LINGO2: variants seen among roughly 807,000 people sequenced by gnomAD.
The protein encoded by LINGO2 is leucine rich repeat and Ig domain containing 2.
In LINGO2, 14 loss-of-function variants were observed where a neutral mutation model predicts 30.6. That is an observed-to-expected ratio of 0.46 (90% CI 0.30 to 0.72). The LOEUF is 0.72. LINGO2 is among the 30% of genes least tolerant of loss of function. The probability of loss-of-function intolerance (pLI) is 0.07; values close to 1 mark genes in which losing one functional copy is unlikely to be tolerated. For synonymous variants in LINGO2, 317 were observed against 288.5 expected, an observed-to-expected ratio of 1.10 and a Z score of -1.00; for missense variants, 729 against 751.7, an observed-to-expected ratio of 0.97 and a Z score of 0.35.
the LINGO2 span, among the ~76,000 whole-genome samples, chr9:29,128,094 C>T: frequency 1.3e-5 from 2 of 152,100 alleles, no homozygotes; most frequent in Admixed American, 6.6e-5. Context: ...AAGTCAAGAT[C>T]TTCATCCAGG....
the LINGO2 span, among the ~76,000 whole-genome samples, chr9:29,171,945 C>A: frequency 7.3e-4 from 111 of 151,812 alleles, no homozygotes; most frequent in Non-Finnish European, 1.5e-3. Flanking sequence ...GTGTAATAAA[C>A]ATACAAAAGT....
the LINGO2 span, among the ~76,000 whole-genome samples, chr9:28,976,084 T>C: frequency 2.0e-5 from 3 of 152,166 alleles, no homozygotes; most frequent in East Asian, 5.8e-4. Flanking sequence ...ATTACCTACT[T>C]GTAGGCTGTG....
At chr9:29,098,302 A>G in the LINGO2 span, among the ~76,000 whole-genome samples, 44 of 152,188 alleles carry the variant, frequency 2.9e-4, no homozygotes, top group Admixed American at 1.4e-3. Flanking sequence ...AGCACTGCTT[A>G]CACTTTAATT....
At chr9:28,929,079 A>T in the LINGO2 span, among the ~76,000 whole-genome samples, 1 of 152,226 alleles carries the variant, frequency 6.6e-6, no homozygotes, top group African/African-American at 2.4e-5. Context: ...TAGCATACAA[A>T]GCAGGTGAAG....
chr9:28,342,378 C>T (rs559277396), intron 3 of LINGO2, among the ~76,000 whole-genome samples: 8 of 152,226 alleles, frequency 5.3e-5, no homozygotes, highest in East Asian at 3.9e-4. Flanking sequence ...CAAACTTTAT[C>T]GCTACGTGTC....
the LINGO2 span, among the ~76,000 whole-genome samples, chr9:29,057,224 T>C: frequency 6.6e-6 from 1 of 152,162 alleles, no homozygotes; most frequent in Non-Finnish European, 1.5e-5. Context: ...ATTCTATCCA[T>C]CCATGAGCAT....
At chr9:28,149,593 T>A (rs569574764) in intron 4 of LINGO2, among the ~76,000 whole-genome samples, 12 of 139,904 alleles carry the variant, frequency 8.6e-5, no homozygotes, top group African/African-American at 3.3e-4. Context: ...TCCGCCGCCC[T>A]GTCTGGGAAG....
intron 1 of LINGO2, among the ~76,000 whole-genome samples, chr9:28,568,962 T>A (rs1823534904): frequency 6.6e-6 from 1 of 151,774 alleles, no homozygotes; most frequent in Non-Finnish European, 1.5e-5. Context: ...ACACTCCCAA[T>A]AAAAAGTGGG....
chr9:28,273,173 G>A (rs564055403), intron 4 of LINGO2, among the ~76,000 whole-genome samples: 31 of 152,222 alleles, frequency 2.0e-4, no homozygotes, highest in Non-Finnish European at 3.4e-4. Flanking sequence ...TATTTCTTGC[G>A]TATTGTATAA....
chr9:28,720,890 CAG>C, the LINGO2 span, among the ~76,000 whole-genome samples: 11 of 151,906 alleles, frequency 7.2e-5, no homozygotes. Flanking sequence ...TAGAGGTATT[CAG>C]AGTGACACAT....
At chr9:28,514,755 C>T (rs928627474) in intron 1 of LINGO2, among the ~76,000 whole-genome samples, 4 of 152,126 alleles carry the variant, frequency 2.6e-5, no homozygotes, top group Non-Finnish European at 4.4e-5. Context: ...GAAGATCTGG[C>T]TAAGACAGTT....
intron 1 of LINGO2, among the ~76,000 whole-genome samples, chr9:28,535,284 G>A (rs1380512274): frequency 2.6e-5 from 4 of 151,994 alleles, no homozygotes; most frequent in Admixed American, 6.6e-5. Context: ...TAATTCAAAG[G>A]TGAAAAAATA....
At chr9:28,741,783 A>G in the LINGO2 span, among the ~76,000 whole-genome samples, 2 of 151,934 alleles carry the variant, frequency 1.3e-5, no homozygotes, top group East Asian at 3.9e-4. Context: ...GGGTTGGCCT[A>G]GAGTCTGGGT....
chr9:28,292,390 G>C (rs1174026254), intron 4 of LINGO2, among the ~76,000 whole-genome samples: 3 of 152,116 alleles, frequency 2.0e-5, no homozygotes, highest in Non-Finnish European at 4.4e-5. Context: ...GTATCTTTCT[G>C]TTATTGATTT....
At chr9:29,071,978 T>A in the LINGO2 span, among the ~76,000 whole-genome samples, 1 of 152,078 alleles carries the variant, frequency 6.6e-6, no homozygotes, top group Non-Finnish European at 1.5e-5. Context: ...AAGAAACCTT[T>A]TTATTATCCT....
At chr9:28,132,498 T>C (rs1827405305) in intron 4 of LINGO2, among the ~76,000 whole-genome samples, 1 of 152,334 alleles carries the variant, frequency 6.6e-6, no homozygotes, top group South Asian at 2.1e-4. Flanking sequence ...ATTATAACCA[T>C]TGCAGGTACT....
intron 5 of LINGO2, among the ~76,000 whole-genome samples, chr9:27,992,191 C>T (rs949835990): frequency 1.4e-5 from 2 of 142,624 alleles, no homozygotes; most frequent in Admixed American, 7.1e-5. Context: ...TTGCCCTAAC[C>T]TGTCACTGAC....
chr9:28,222,648 A>G (rs1167066943), intron 4 of LINGO2, among the ~76,000 whole-genome samples: 1 of 152,222 alleles, frequency 6.6e-6, no homozygotes, highest in African/African-American at 2.4e-5. Flanking sequence ...AATTGAGCCT[A>G]TTTGATTTGG....
At chr9:28,586,850 A>G (rs1824567503) in intron 1 of LINGO2, among the ~76,000 whole-genome samples, 1 of 151,968 alleles carries the variant, frequency 6.6e-6, no homozygotes, top group Admixed American at 6.6e-5. Context: ...GGAGGTATTT[A>G]AAAAAACATT....
Sources: allele counts gnomAD v4.1 joint callset (sites outside exome capture counted in the v4.1 genomes callset), GRCh38; gene constraint gnomAD v4.1.1; transcripts MANE v1.5; gene names NCBI Gene and HGNC (gene_info 2026-07-23, HGNC 2026-07-21).